Variants in FOXP3 observed in about 807,000 individuals in gnomAD.
FOXP3 encodes the protein forkhead box protein P3.
FOXP3 carries 5 observed loss-of-function variants against 31.2 expected under a neutral mutation model. That is an observed-to-expected ratio of 0.16 (90% confidence interval 0.08 to 0.34). The LOEUF (loss-of-function observed/expected upper bound fraction) is 0.34, where lower values mean the gene tolerates loss of function less well. Ranked by LOEUF, FOXP3 falls within the 10% of genes least tolerant of loss-of-function variation. FOXP3 has a pLI of 1.00. For synonymous variants in FOXP3, 141 were observed against 148.8 expected (o/e 0.95, Z 0.38); for missense variants, 251 against 363.0 (o/e 0.69, Z 2.51).
At chrX:49,263,173 C>CAAAAAAAA (rs72024386) in intron 1 of FOXP3, among the ~76,000 whole-genome samples, 2 of 58,996 alleles carry the variant, frequency 3.4e-5, no homozygotes, top group Non-Finnish European at 6.0e-5. Context: ...ACCAGACAAC[C>CAAAAAAAA]AAAAAAAAAA....
At position 49,253,106 on chromosome X, in the gene FOXP3, G is replaced by A; in HGVS notation, c.1044+20C>T. ...CCATCTTTGTCTTCCTCCTCCTTGG[G>A]GCCGAGCTGCCCTGCTTACCCAGCG... is the stretch of plus-strand genomic sequence containing the variant. On this transcript the variant is annotated intron_variant, in intron 10 of 11. Coordinates refer to ENST00000376207, the MANE Select transcript of FOXP3 (RefSeq NM_014009.4). 8.3e-7 allele frequency: 1 copy of A among 1,201,788 alleles called. No individual in the cohort carries two copies. Among genetic ancestry groups the A allele is most frequent in the East Asian group, 3.0e-5 (1 of 33,673 alleles).
rs1557115811 is a variant in FOXP3, at chrX:49,253,241, C to A, written c.968-39G>T. ...GGGATGAATCAAGCCCCATGCAGGA[C>A]CTCCTAGCTAGCTCCCTGTCCCCTC... On this transcript the variant is annotated intron_variant, in intron 9 of 11. Transcript: ENST00000376207. The A allele has an allele frequency of 7.2e-6, 8 of 1,117,113 alleles. No homozygotes were observed. The South Asian group carries it at 1.3e-4, about 19-fold the overall frequency. The allele number at this position is 1,117,113 out of a possible 1,213,427, so 92.1% of individuals were successfully genotyped here.
chrX:49,261,532 C>A (rs1213846069), intron 1 of FOXP3, among the ~76,000 whole-genome samples: 1 of 112,509 alleles, frequency 8.9e-6, no homozygotes, highest in Non-Finnish European at 1.9e-5. Flanking sequence ...GGACCAGCAC[C>A]AGCTCTGGGG....
chrX:49,257,151 TC>T lies in FOXP3; in HGVS notation c.455-140del, dbSNP rs1447825997. 7 of 585,597 alleles carry T rather than the reference TC, an allele frequency of 1.2e-5. No individual in the cohort carries two copies. In the African/African-American group the frequency reaches 1.6e-4, roughly 13 times the overall value. 48.3% of individuals were successfully genotyped at this position (585,597 alleles called of 1,213,427 possible). ...CCAGGGGGCTCTGCTGTCCCCAAAG[TC>T]CCAGGCTTCTGGCAGAGAAGCTTAA... is the stretch of plus-strand genomic sequence containing the variant. On this transcript the variant is annotated intron_variant, in intron 4 of 11. Coordinates refer to ENST00000376207, the MANE Select transcript of FOXP3 (RefSeq NM_014009.4).
At position 49,251,311 on chromosome X, in the gene FOXP3, T is replaced by C; in HGVS notation, c.*23A>G. The C allele has an allele frequency of 8.3e-7, 1 of 1,203,988 alleles. No homozygotes were observed. Among genetic ancestry groups the C allele is most frequent in the African/African-American group, 1.7e-5 (1 of 57,643 alleles). Reference sequence around the variant, plus strand: ...CACCAGTTTGGCCCCTGTTCGTCCATCCTCCTTTCCTTGATCTTGAGGTCA... The same window carrying C: ...CACCAGTTTGGCCCCTGTTCGTCCACCCTCCTTTCCTTGATCTTGAGGTCA... On this transcript the variant is annotated 3_prime_UTR_variant, in exon 12 of 12. Transcript: ENST00000376207.
Position 49,251,177 on chromosome X carries a change from C to T in FOXP3, c.*157G>A, listed in dbSNP as rs868995216. On this transcript the variant is annotated 3_prime_UTR_variant, in exon 12 of 12. Coordinates refer to ENST00000376207, the MANE Select transcript of FOXP3 (RefSeq NM_014009.4). ...GATATGATGGGGGAGGGGGTGGCTG[C>T]CAGCGGGGGAACAGGGGCCCTGGCA... The T allele has an allele frequency of 1.6e-4, 111 of 693,282 alleles. No homozygotes were observed. The African/African-American group carries it at 2.1e-3, about 13-fold the overall frequency. 57.1% of individuals were successfully genotyped at this position (693,282 alleles called of 1,213,427 possible).
At chrX:49,259,375 A>G in intron 1 of FOXP3, 1 of 495,016 alleles carries the variant, frequency 2.0e-6, no homozygotes, top group Non-Finnish European at 3.6e-6. Context: ...AGGCGAGTCC[A>G]GGAGTGTGAT....
Position 49,250,945 on chromosome X carries a change from TTGAG to T in FOXP3, c.*385_*388del. The stretch of plus-strand genomic sequence containing the variant: ...GGCTCTCTGTGTTTTGGGGTTTGTG[TTGAG>T]TGAGGGACAGGATTGTGACATTTTG... On this transcript the variant is annotated 3_prime_UTR_variant, in exon 12 of 12. Transcript: ENST00000376207. The T allele has an allele frequency of 7.6e-6, 2 of 261,514 alleles. No individual in the cohort carries two copies. The highest frequency in any genetic ancestry group is 1.4e-5 in the Non-Finnish European group (2 of 144,718). The allele number at this position is 261,514 out of a possible 1,213,427, so 21.6% of individuals were successfully genotyped here. A position where few individuals can be genotyped will look rare whatever the true frequency, so the allele number is the denominator to read the frequency against.
At chrX:49,257,190 G>T (rs1275783471) in intron 4 of FOXP3, among the ~76,000 whole-genome samples, 178 bp from the exon 5 acceptor site, 1 of 112,626 alleles carries the variant, frequency 8.9e-6, no homozygotes, top group East Asian at 2.8e-4. Context: ...ACGGCCATTC[G>T]CAGGTGCTGA....
At chrX:49,257,111 C>T (rs1472060528) in intron 4 of FOXP3, 99 bp from the exon 5 acceptor site, 20 of 761,435 alleles carry the variant, frequency 2.6e-5, no homozygotes, top group Non-Finnish European at 3.7e-5. Context: ...TCCTGAGCCT[C>T]GAAAACCCTG....
At chrX:49,251,792 G>A (rs781915091) in intron 10 of FOXP3, 27 bp from the exon 11 acceptor site, 4 of 1,194,487 alleles carry the variant, frequency 3.3e-6, no homozygotes, top group Non-Finnish European at 3.4e-6. Context: ...GGGGTAAGGG[G>A]CACATTCCCC....
intron 4 of FOXP3, 93 bp from the exon 5 acceptor site, chrX:49,257,105 G>A (rs977577889): frequency 3.7e-6 from 3 of 803,058 alleles, no homozygotes; most frequent in Non-Finnish European, 1.8e-6. Context: ...CCACCCTCCT[G>A]AGCCTCGAAA....
Position 49,253,167 on chromosome X carries a change from T to G in FOXP3, c.1003A>C (p.Asn335His), listed in dbSNP as rs1557115797. 8.3e-7 allele frequency: 1 copy of G among 1,209,925 alleles called. No homozygotes were observed. The highest frequency in any genetic ancestry group is 1.1e-6 in the Non-Finnish European group (1 of 894,658). ...GCGTAGGTGAAAGGGGGTCGCATGT[T>G]GTGGAACTTGAAGTAGTCCATGTTG... ...LHNMDYFKFH[N>H]MRPPFTYATL... Residue 335 changes from asparagine to histidine, a missense_variant, in exon 10 of 12, where the codon AAC becomes CAC. Asn to His is a moderately conservative substitution (Grantham distance 68). This residue lies in a region of FOXP3 where 57 missense variants were observed against 60.9 expected (regional missense o/e 0.94). Coordinates refer to ENST00000376207, the MANE Select transcript of FOXP3 (RefSeq NM_014009.4).
At chrX:49,256,220 AAGAGAGAG>A (rs782303757) in intron 6 of FOXP3, among the ~76,000 whole-genome samples, 4,037 of 66,689 alleles carry the variant, frequency 0.061, 137 homozygotes, top group African/African-American at 0.094. Flanking sequence ...GAGAGAGAGA[AAGAGAGAG>A]AGAGAGAGAG....
intron 9 of FOXP3, 152 bp downstream of exon 9, chrX:49,253,765 G>A: frequency 1.5e-6 from 1 of 687,712 alleles, no homozygotes; most frequent in Admixed American, 2.8e-5. Context: ...AAGCTTTTGT[G>A]AGCGGATGCA....
At chrX:49,263,260 T>A (rs189024765) in intron 1 of FOXP3, among the ~76,000 whole-genome samples, 1 of 111,632 alleles carries the variant, frequency 9.0e-6, no homozygotes, top group East Asian at 2.8e-4. Flanking sequence ...TAATGTGTTT[T>A]TCTTACCTGT....
At chrX:49,254,128 T>C (rs2066052544) in intron 8 of FOXP3, 61 bp from the exon 9 acceptor site, 26 of 1,123,488 alleles carry the variant, frequency 2.3e-5, no homozygotes, top group Non-Finnish European at 3.1e-5. Flanking sequence ...TTACTTTCTA[T>C]TTTATGTTTT....
intron 1 of FOXP3, chrX:49,259,250 T>C (rs959010359): frequency 1.5e-5 from 8 of 519,733 alleles, no homozygotes; most frequent in East Asian, 3.6e-5. Flanking sequence ...TGGCGGGGAG[T>C]TGGATTGGGT....
chrX:49,260,779 A>G (rs1394658177), intron 1 of FOXP3, among the ~76,000 whole-genome samples: 1 of 112,578 alleles, frequency 8.9e-6, no homozygotes, highest in African/African-American at 3.2e-5. Flanking sequence ...ACTTGCCCAG[A>G]TTTTTCCGCC....
Sources: gnomAD v4.1 joint callset for allele counts (sites outside exome capture counted in the v4.1 genomes callset) on GRCh38, gnomAD v4.1.1 for gene constraint, gnomAD v4.1.1 regional missense constraint, MANE v1.5 for transcripts, NCBI Gene and HGNC (gene_info 2026-07-23, HGNC 2026-07-21) for gene names.